The following HHAT variants were observed in gnomAD, a reference collection of about 807,000 sequenced individuals.
HHAT encodes protein-cysteine N-palmitoyltransferase HHAT.
In HHAT, 47 loss-of-function variants were observed where a neutral mutation model predicts 70.8. That is an observed-to-expected ratio of 0.66 (90% CI 0.53 to 0.85). The LOEUF (loss-of-function observed/expected upper bound fraction) is 0.85. Ranked by LOEUF, HHAT falls within the 40% of genes least tolerant of loss-of-function variation. HHAT has a pLI of 0.00. For synonymous variants in HHAT, 228 were observed against 247.6 expected, an observed-to-expected ratio of 0.92 and a Z score of 0.74; for missense variants, 609 against 604.8, an observed-to-expected ratio of 1.01 and a Z score of -0.07.
chr1:210,653,361 A>G (rs1240984159), intron 11 of HHAT, among the ~76,000 whole-genome samples: 4 of 152,062 alleles, frequency 2.6e-5, no homozygotes, highest in African/African-American at 9.7e-5. Flanking sequence ...TTGGCAAAAA[A>G]TCATACAAAA....
chr1:210,597,214 T>G (rs1663203737), intron 10 of HHAT, among the ~76,000 whole-genome samples: 1 of 152,138 alleles, frequency 6.6e-6, no homozygotes, highest in Admixed American at 6.5e-5. Flanking sequence ...TGCCTAGAGC[T>G]GGAGGTGGAG....
At chr1:210,419,766 T>G (rs906815954) in intron 7 of HHAT, among the ~76,000 whole-genome samples, 23 of 152,240 alleles carry the variant, frequency 1.5e-4, no homozygotes, top group African/African-American at 5.3e-4. Context: ...TTTTATAGTT[T>G]GGAGTTGCTA....
At chr1:210,436,826 G>A (rs779904493) in intron 7 of HHAT, among the ~76,000 whole-genome samples, 1 of 151,812 alleles carries the variant, frequency 6.6e-6, no homozygotes, top group African/African-American at 2.4e-5. Context: ...CTCTCAGCTT[G>A]TACTATAACT....
chr1:210,418,626 G>A (rs1032600542), intron 7 of HHAT, among the ~76,000 whole-genome samples: 2 of 152,172 alleles, frequency 1.3e-5, no homozygotes, highest in Non-Finnish European at 2.9e-5. Context: ...CCAATATTGT[G>A]TTTAGCAGTA....
At chr1:210,632,653 G>A (rs1230825986) in intron 11 of HHAT, among the ~76,000 whole-genome samples, 4 of 152,200 alleles carry the variant, frequency 2.6e-5, no homozygotes, top group Admixed American at 6.5e-5. Flanking sequence ...CTATGTCTGC[G>A]TTCGATTTTA....
rs149916714 is a variant in HHAT, at chr1:210,619,198, C to A, written c.1246-4328C>A. On this transcript the variant is annotated intron_variant, in intron 10 of 11. Transcript: ENST00000261458. ...GGAGAGAAACTGCCCCGACCCACCC[C>A]CTGTCATGTACCGTAGAGACCATGT... is the stretch of plus-strand genomic sequence containing the variant. Among the ~76,000 whole-genome samples the A allele has an allele frequency of 3.3e-5, 5 of 152,256 alleles. No homozygotes were observed. In the East Asian group the frequency reaches 9.7e-4, roughly 29 times the overall value.
chr1:210,464,459 G>C, intron 7 of HHAT, 46 bp from the exon 8 acceptor site: 1 of 1,609,842 alleles, frequency 6.2e-7, no homozygotes, highest in Non-Finnish European at 8.5e-7. Context: ...CCAGGAAACT[G>C]CTGTGATTCT....
chr1:210,350,475 A>G lies in HHAT; in HGVS notation c.91+1409A>G, dbSNP rs980768547. Among the ~76,000 whole-genome samples the G allele has an allele frequency of 6.6e-5, 10 of 152,206 alleles. 1 individual carries two copies. Among genetic ancestry groups the G allele is most frequent in the Non-Finnish European group, 1.3e-4 (9 of 68,028 alleles). On this transcript the variant is annotated intron_variant, in intron 2 of 11. Coordinates refer to ENST00000261458, the MANE Select transcript of HHAT (RefSeq NM_018194.6). ...ATGAGAGTTTTATTGTTTTCCTGATATAGATCTTATACATATTTTGTTAGA... is the reference window on the plus strand; with the variant it reads ...ATGAGAGTTTTATTGTTTTCCTGATGTAGATCTTATACATATTTTGTTAGA...
chr1:210,439,807 C>T (rs955274541), intron 7 of HHAT: 2 of 151,932 alleles, frequency 1.3e-5, no homozygotes, highest in Admixed American at 6.6e-5. Flanking sequence ...AAGGGGCTGT[C>T]GCTGCTGACA....
At chr1:210,626,523 C>A (rs1669871957) in intron 11 of HHAT, among the ~76,000 whole-genome samples, 2 of 152,084 alleles carry the variant, frequency 1.3e-5, no homozygotes, top group Non-Finnish European at 2.9e-5. Flanking sequence ...CTGGTCTGTC[C>A]CATGGGCCTC....
At chr1:210,435,856 C>A (rs1467213812) in intron 7 of HHAT, among the ~76,000 whole-genome samples, 2 of 151,322 alleles carry the variant, frequency 1.3e-5, no homozygotes, top group African/African-American at 4.9e-5. Context: ...CTTGTATATT[C>A]TGGTTATTAA....
intron 1 of HHAT, among the ~76,000 whole-genome samples, chr1:210,341,516 T>C (rs1332089133): frequency 6.6e-6 from 1 of 152,180 alleles, no homozygotes; most frequent in Non-Finnish European, 1.5e-5. Context: ...GGGTTGGGAA[T>C]TTTGGTTCTA....
chr1:210,525,791 CA>C (rs2095236876), intron 9 of HHAT, among the ~76,000 whole-genome samples: 1 of 152,110 alleles, frequency 6.6e-6, no homozygotes, highest in Non-Finnish European at 1.5e-5. Flanking sequence ...AGGATATTTG[CA>C]ATGTAGAGAC....
At chr1:210,595,056 C>T (rs1444862486) in intron 10 of HHAT, among the ~76,000 whole-genome samples, 1 of 151,976 alleles carries the variant, frequency 6.6e-6, no homozygotes, top group Admixed American at 6.6e-5. Context: ...TGTTGGTGTG[C>T]TGCATGCATT....
intron 9 of HHAT, among the ~76,000 whole-genome samples, chr1:210,544,110 A>C (rs1050378055): frequency 6.6e-6 from 1 of 152,180 alleles, no homozygotes; most frequent in Non-Finnish European, 1.5e-5. Flanking sequence ...TATTTTCTGC[A>C]ACAGATGGAG....
At chr1:210,591,626 G>A (rs886295395) in intron 10 of HHAT, among the ~76,000 whole-genome samples, 1 of 152,102 alleles carries the variant, frequency 6.6e-6, no homozygotes, top group African/African-American at 2.4e-5. Flanking sequence ...CCTGTGAACT[G>A]TTTTCCATAC....
At chr1:210,327,913 GT>G (rs1194223303), upstream of HHAT, among the ~76,000 whole-genome samples, 1 of 152,198 alleles carries the variant, frequency 6.6e-6, no homozygotes, top group Non-Finnish European at 1.5e-5. Context: ...CCAGTACCAG[GT>G]TTTGGGGTGA....
intron 3 of HHAT, among the ~76,000 whole-genome samples, chr1:210,375,976 A>G (rs537737954): frequency 6.6e-6 from 1 of 151,214 alleles, no homozygotes; most frequent in South Asian, 2.1e-4. Context: ...CCCTCCCAAG[A>G]AGCTGGGATT....
At chr1:210,426,336 T>C (rs1396121168) in intron 7 of HHAT, among the ~76,000 whole-genome samples, 1 of 152,204 alleles carries the variant, frequency 6.6e-6, no homozygotes, top group Non-Finnish European at 1.5e-5. Context: ...CTTTATTTCT[T>C]TCTCTTGCCT....
Sources: allele counts gnomAD v4.1 joint callset (sites outside exome capture counted in the v4.1 genomes callset), GRCh38; gene constraint gnomAD v4.1.1; transcripts MANE v1.5; gene names NCBI Gene and HGNC (gene_info 2026-07-23, HGNC 2026-07-21).